Variants in DNMBP observed in about 807,000 individuals in gnomAD.
The protein encoded by DNMBP is dynamin-binding protein.
In DNMBP, 87 loss-of-function variants were observed where a neutral mutation model predicts 150.0. The ratio of observed to expected loss-of-function variants is 0.58; its 90% confidence interval spans 0.49 to 0.69. The LOEUF (loss-of-function observed/expected upper bound fraction) is 0.69. DNMBP is among the 30% of genes least tolerant of loss of function. The pLI, the probability that DNMBP is intolerant of heterozygous loss-of-function variation, is 0.00. For synonymous variants in DNMBP, 711 were observed against 750.4 expected, an observed-to-expected ratio of 0.95 and a Z score of 0.86; for missense variants, 1,774 against 1,949.0, an observed-to-expected ratio of 0.91 and a Z score of 1.69.
chr10:99,993,453 A>T (rs10159954), intron 1 of DNMBP, among the ~76,000 whole-genome samples: 1 of 151,974 alleles, frequency 6.6e-6, no homozygotes, highest in African/African-American at 2.4e-5. Context: ...ATTGTATCTC[A>T]ATTTTTAAAA....
Position 99,962,413 on chromosome 10 carries a change from C to T in DNMBP, c.269-5208G>A, listed in dbSNP as rs562884276. Among the ~76,000 whole-genome samples, 55 of 152,242 alleles carry T rather than the reference C, an allele frequency of 3.6e-4. No individual in the cohort carries two copies. The East Asian group carries it at 7.1e-3, about 20-fold the overall frequency. On this transcript the variant is annotated intron_variant, in intron 3 of 16. Transcript: ENST00000324109. ...TTGGGACGCCGAGGCAGGGGGATCACGAGGTCAGGAGATTGAGACCATCCT... is the reference window on the plus strand; with the variant it reads ...TTGGGACGCCGAGGCAGGGGGATCATGAGGTCAGGAGATTGAGACCATCCT...
In DNMBP at chr10:99,916,426, C is replaced by T. The variant is rs148694943; in HGVS notation, c.2261-7280G>A. Among the ~76,000 whole-genome samples the T allele has an allele frequency of 4.3e-3, 659 of 152,230 alleles. 7 individuals carry two copies. The highest frequency in any genetic ancestry group is 0.015 in the African/African-American group (620 of 41,538). Reference sequence around the variant, plus strand: ...TGCGCCTCCAGCCTGGGCGACAGAGCGAGACTCTGTCTCAAAATAAAAAAA... The same window carrying T: ...TGCGCCTCCAGCCTGGGCGACAGAGTGAGACTCTGTCTCAAAATAAAAAAA... On this transcript the variant is annotated intron_variant, in intron 4 of 16. Transcript: ENST00000324109.
intron 4 of DNMBP, among the ~76,000 whole-genome samples, chr10:99,950,677 T>C (rs914481109): frequency 2.6e-5 from 4 of 152,184 alleles, no homozygotes; most frequent in African/African-American, 9.6e-5. Context: ...CCCTAGAGAT[T>C]TGTGGAACTT....
chr10:99,970,380 C>T (rs1043075340), intron 2 of DNMBP, among the ~76,000 whole-genome samples: 3 of 152,074 alleles, frequency 2.0e-5, no homozygotes, highest in African/African-American at 4.8e-5. Context: ...TGAAAGAAAT[C>T]GATGTGAACA....
At chr10:99,877,439 G>T (rs2039294349) in intron 16 of DNMBP, 103 bp from the exon 17 acceptor site, 2 of 843,190 alleles carry the variant, frequency 2.4e-6, no homozygotes, top group Non-Finnish European at 3.7e-6. Flanking sequence ...GCCCACATGT[G>T]GCTACTGAGC....
intron 6 of DNMBP, among the ~76,000 whole-genome samples, chr10:99,903,392 G>T (rs1337872037): frequency 6.6e-6 from 1 of 151,570 alleles, no homozygotes; most frequent in Non-Finnish European, 1.5e-5. Context: ...GGAGTGCACT[G>T]TCATGAACCA....
intron 14 of DNMBP, among the ~76,000 whole-genome samples, chr10:99,885,118 A>G (rs79640712): frequency 0.012 from 1,766 of 152,262 alleles, 34 homozygotes; most frequent in African/African-American, 0.041. Flanking sequence ...ACTTTTATGA[A>G]TACATCATAA....
chr10:100,000,407 G>C (rs2040995728), intron 1 of DNMBP, among the ~76,000 whole-genome samples: 1 of 152,086 alleles, frequency 6.6e-6, no homozygotes, highest in African/African-American at 2.4e-5. Context: ...GAATGTCAGT[G>C]CTGATTATTC....
intron 2 of DNMBP, 118 bp downstream of exon 2, chr10:99,971,862 T>TTC (rs1564750683): frequency 5.8e-5 from 38 of 653,846 alleles, no homozygotes; most frequent in Middle Eastern, 5.3e-4. Context: ...CTTTCTTTCT[T>TTC]TTTTTTTTTT....
rs200607930 is a variant in DNMBP, at chr10:99,985,163, G to GCT, written c.-10-13030_-10-13029insAG. On this transcript the variant is annotated intron_variant, in intron 1 of 16. Coordinates refer to ENST00000324109, the MANE Select transcript of DNMBP (RefSeq NM_015221.4). ...GGAGGAAACAAACTGTCCAATTGGA[G>GCT]TTAAAAATAGCTAAGATCATTAGCA... 8.4e-3 allele frequency among the ~76,000 whole-genome samples: 1,284 copies of GCT among 152,274 alleles called. 19 individuals carry two copies. The highest frequency in any genetic ancestry group is 0.044 in the Middle Eastern group (13 of 294).
At chr10:99,930,395 G>A (rs899984145) in intron 4 of DNMBP, 1 of 702,912 alleles carries the variant, frequency 1.4e-6, no homozygotes, top group Non-Finnish European at 2.6e-6. Flanking sequence ...TCACATCTGG[G>A]CTTCTCGTAG....
chr10:99,946,280 A>C (rs1034211019), intron 4 of DNMBP, among the ~76,000 whole-genome samples: 1 of 152,258 alleles, frequency 6.6e-6, no homozygotes, highest in Non-Finnish European at 1.5e-5. Flanking sequence ...TTGAATACAC[A>C]CTTAACAATT....
chr10:100,009,066 C>T (rs1423650812), intron 1 of DNMBP, among the ~76,000 whole-genome samples: 3 of 152,240 alleles, frequency 2.0e-5, no homozygotes, highest in Non-Finnish European at 2.9e-5. Flanking sequence ...TACCCATATT[C>T]CAGAATAAGT....
intron 1 of DNMBP, among the ~76,000 whole-genome samples, chr10:99,999,023 C>T (rs573752675): frequency 1.3e-5 from 2 of 152,366 alleles, no homozygotes; most frequent in African/African-American, 2.4e-5. Flanking sequence ...GGAGGTGCCA[C>T]GTGGTTTCTG....
intron 1 of DNMBP, among the ~76,000 whole-genome samples, chr10:99,976,432 C>A (rs2040728495): frequency 1.3e-5 from 2 of 152,172 alleles, no homozygotes; most frequent in South Asian, 4.1e-4. Context: ...ACAATACCAG[C>A]ACTGTCTATC....
At chr10:99,884,382 C>T (rs2039423927) in intron 14 of DNMBP, among the ~76,000 whole-genome samples, 173 bp from the exon 15 acceptor site, 1 of 152,158 alleles carries the variant, frequency 6.6e-6, no homozygotes, top group South Asian at 2.1e-4. Context: ...AGGTAAAAAT[C>T]AAGAGCCCTT....
rs1359915908 is a variant in DNMBP at position 99,896,979 on chromosome 10, T to G, written c.2921-582A>C. Among the ~76,000 whole-genome samples, 47 of 152,250 alleles carry G rather than the reference T, an allele frequency of 3.1e-4. 2 individuals carry two copies. Among genetic ancestry groups the G allele is most frequent in the Non-Finnish European group, 7.4e-5 (5 of 68,022 alleles). ...TGGAGACTACATCGCATTAGGAGAT[T>G]TGAACCAAGGGAAAGGGCTGGATGA... On this transcript the variant is annotated intron_variant, in intron 9 of 16. Transcript: ENST00000324109.
At chr10:99,968,812 A>G (rs960293468) in intron 3 of DNMBP, among the ~76,000 whole-genome samples, 1 of 152,026 alleles carries the variant, frequency 6.6e-6, no homozygotes, top group Non-Finnish European at 1.5e-5. Context: ...AAGACTTCCC[A>G]CCTTCGGCCA....
At chr10:99,884,867 G>A (rs2039432427) in intron 14 of DNMBP, among the ~76,000 whole-genome samples, 1 of 152,078 alleles carries the variant, frequency 6.6e-6, no homozygotes, top group South Asian at 2.1e-4. Context: ...TCAGACCACT[G>A]CATTCCAGCC....
Sources: gnomAD v4.1 joint callset for allele counts (sites outside exome capture counted in the v4.1 genomes callset) on GRCh38, gnomAD v4.1.1 for gene constraint, MANE v1.5 for transcripts, NCBI Gene and HGNC (gene_info 2026-07-23, HGNC 2026-07-21) for gene names.